ASCC1: variants seen among roughly 807,000 people sequenced by gnomAD.
ASCC1 encodes the protein ASC-1 complex subunit P50.
ASCC1 carries 35 observed loss-of-function variants against 46.6 expected under a neutral mutation model. The ratio of observed to expected loss-of-function variants is 0.75; its 90% CI spans 0.57 to 0.99. ASCC1 has a LOEUF of 0.99. ASCC1 is among the 50% of genes least tolerant of loss of function. ASCC1 has a pLI of 0.00. For missense variants in ASCC1, 376 were observed against 428.7 expected (o/e 0.88, Z 1.09); for synonymous variants, 143 against 146.6 (o/e 0.98, Z 0.18).
At chr10:72,117,211 A>T (rs118037605) in intron 9 of ASCC1, among the ~76,000 whole-genome samples, 3,089 of 152,304 alleles carry the variant, frequency 0.02, 38 homozygotes, top group Non-Finnish European at 0.032. Context: ...TCATATATTT[A>T]TGAGTTTTAT....
intron 5 of ASCC1, among the ~76,000 whole-genome samples, chr10:72,185,641 T>G (rs1176294528): frequency 6.6e-6 from 1 of 152,140 alleles, no homozygotes; most frequent in Non-Finnish European, 1.5e-5. Context: ...TTGCCTGGAA[T>G]CAGTGGTAGG....
intron 9 of ASCC1, among the ~76,000 whole-genome samples, chr10:72,109,664 A>G (rs545527470): frequency 6.6e-6 from 1 of 152,372 alleles, no homozygotes; most frequent in African/African-American, 2.4e-5. Flanking sequence ...CAAATGACCT[A>G]TTAGAGGATG....
intron 5 of ASCC1, among the ~76,000 whole-genome samples, chr10:72,177,081 T>C (rs1851948797): frequency 6.6e-6 from 1 of 152,158 alleles, no homozygotes; most frequent in Non-Finnish European, 1.5e-5. Context: ...GCACATAATA[T>C]GTCCTATATG....
chr10:72,194,033 G>A (rs916090392), intron 5 of ASCC1, among the ~76,000 whole-genome samples: 33 of 150,258 alleles, frequency 2.2e-4, no homozygotes, highest in African/African-American at 7.6e-4. Flanking sequence ...TAGTAGAGAC[G>A]GGGTTTCACC....
At chr10:72,179,251 T>C (rs1276637450) in intron 5 of ASCC1, among the ~76,000 whole-genome samples, 1 of 152,184 alleles carries the variant, frequency 6.6e-6, no homozygotes, top group Non-Finnish European at 1.5e-5. Flanking sequence ...TTCACCTGCC[T>C]TGGCCTCCCA....
Position 72,147,388 on chromosome 10 carries a change from C to T in ASCC1, c.746+5481G>A, listed in dbSNP as rs188607054. The stretch of plus-strand genomic sequence containing the variant: ...CCTGCCTCAGCCTCCCGAGCAGCTG[C>T]GTTACAGGCATGAGCCACCACACCC... On this transcript the variant is annotated intron_variant, in intron 7 of 9. Transcript: ENST00000672957. Among the ~76,000 whole-genome samples, 121 of 152,008 alleles carry T rather than the reference C, an allele frequency of 8.0e-4. 1 individual carries two copies. In the Middle Eastern group the frequency reaches 0.01, roughly 13 times the overall value.
At chr10:72,109,784 A>T (rs1842724958) in intron 9 of ASCC1, among the ~76,000 whole-genome samples, 1 of 152,222 alleles carries the variant, frequency 6.6e-6, no homozygotes, top group African/African-American at 2.4e-5. Context: ...TTTGAAAAAT[A>T]GTAAGAAAAT....
At chr10:72,168,394 A>G (rs964884530) in intron 5 of ASCC1, among the ~76,000 whole-genome samples, 3 of 152,194 alleles carry the variant, frequency 2.0e-5, no homozygotes, top group African/African-American at 7.2e-5. Flanking sequence ...CACCCATCAA[A>G]CTGACAAAAA....
intron 2 of ASCC1, 29 bp from the exon 3 acceptor site, chr10:72,210,860 G>C (rs761709895): frequency 6.2e-7 from 1 of 1,605,564 alleles, no homozygotes. Context: ...ATCTCACTCA[G>C]AAACAATGTT....
chr10:72,192,454 C>CAAG, intron 5 of ASCC1, among the ~76,000 whole-genome samples: 1 of 109,382 alleles, frequency 9.1e-6, no homozygotes, highest in African/African-American at 3.0e-5. Flanking sequence ...GACTCCGTCT[C>CAAG]AAAAAAAAAA....
At position 72,163,503 on chromosome 10, in the gene ASCC1, G is replaced by A. The variant is rs528636392; in HGVS notation, c.490-1829C>T. On this transcript the variant is annotated intron_variant, in intron 5 of 9. Transcript: ENST00000672957. ...TAATCCCAGCACTTTGGGAGGCCGAGGCAGGCAGATCACCTGAGGTCAGGA... is the reference window on the plus strand; with the variant it reads ...TAATCCCAGCACTTTGGGAGGCCGAAGCAGGCAGATCACCTGAGGTCAGGA... Among the ~76,000 whole-genome samples, 5 of 152,266 alleles carry A rather than the reference G, an allele frequency of 3.3e-5. No homozygotes were observed. The East Asian group carries it at 9.6e-4, about 29-fold the overall frequency.
intron 9 of ASCC1, among the ~76,000 whole-genome samples, chr10:72,126,458 T>C (rs1171544120): frequency 6.6e-6 from 1 of 152,206 alleles, no homozygotes; most frequent in Non-Finnish European, 1.5e-5. Flanking sequence ...AAAACTTACT[T>C]TCCAGAATGA....
At chr10:72,120,043 C>T (rs1215909662) in intron 9 of ASCC1, among the ~76,000 whole-genome samples, 6 of 152,190 alleles carry the variant, frequency 3.9e-5, no homozygotes, top group African/African-American at 1.2e-4. Flanking sequence ...TTAAGACTGG[C>T]CTGGCCAACA....
intron 9 of ASCC1, among the ~76,000 whole-genome samples, chr10:72,122,250 C>G (rs1832630610): frequency 6.6e-6 from 1 of 152,092 alleles, no homozygotes; most frequent in Non-Finnish European, 1.5e-5. Context: ...GAAACCCCAT[C>G]TCTACTGAAA....
chr10:72,180,303 G>T (rs1018514567), intron 5 of ASCC1, among the ~76,000 whole-genome samples: 13 of 150,476 alleles, frequency 8.6e-5, no homozygotes, highest in African/African-American at 2.7e-4. Flanking sequence ...AAAAAAAAAA[G>T]AACCAAATGG....
At chr10:72,127,047 T>C (rs933268583) in intron 9 of ASCC1, among the ~76,000 whole-genome samples, 26 of 152,116 alleles carry the variant, frequency 1.7e-4, no homozygotes, top group African/African-American at 6.3e-4. Context: ...ATTAGGCATT[T>C]GGCAAAAAAA....
At chr10:72,160,727 A>T (rs61697841) in intron 6 of ASCC1, among the ~76,000 whole-genome samples, 18,873 of 149,796 alleles carry the variant, frequency 0.13, 3,843 homozygotes, top group African/African-American at 0.42. Flanking sequence ...AAATAATAAT[A>T]AAAAAAGTTT....
chr10:72,161,548 C>G lies in ASCC1; in HGVS notation c.616G>C (p.Glu206Gln). The G allele has an allele frequency of 6.2e-7, 1 of 1,614,156 alleles. No homozygotes were observed. Among genetic ancestry groups the G allele is most frequent in the South Asian group, 1.1e-5 (1 of 91,078 alleles). Reference sequence around the variant, plus strand: ...CTGAGAATTACTCACTTAATGAATTCCTCTTTACACTGCTGTAGCATCTCA... The same window carrying G: ...CTGAGAATTACTCACTTAATGAATTGCTCTTTACACTGCTGTAGCATCTCA... Reference protein sequence around the residue: ...TCEMLQQCKEEFINDISGGKP... With the variant: ...TCEMLQQCKEQFINDISGGKP... The change falls in exon 6 of 10, where the codon GAA (glutamate) becomes CAA (glutamine). Residue 206 changes from glutamate to glutamine, a missense_variant. Physicochemically the swap from Glu to Gln is conservative, Grantham distance 29. Coordinates refer to ENST00000672957, the MANE Select transcript of ASCC1 (RefSeq NM_001198800.3).
At chr10:72,111,983 G>T (rs760904604) in intron 9 of ASCC1, among the ~76,000 whole-genome samples, 1 of 152,182 alleles carries the variant, frequency 6.6e-6, no homozygotes, top group Non-Finnish European at 1.5e-5. Flanking sequence ...TCATAGCATA[G>T]TGAGCTTCAC....
Sources: allele counts gnomAD v4.1 joint callset (sites outside exome capture counted in the v4.1 genomes callset), GRCh38; gene constraint gnomAD v4.1.1; transcripts MANE v1.5; gene names NCBI Gene and HGNC (gene_info 2026-07-23, HGNC 2026-07-21).